AMH: variants seen among roughly 807,000 people sequenced by gnomAD.
AMH encodes anti-Muellerian hormone.
A neutral mutation model predicts 33.3 loss-of-function variants in AMH; 39 were observed. That is an observed-to-expected ratio of 1.17 (90% CI 0.91 to 1.53). The LOEUF is 1.53. Ranked by LOEUF, AMH falls within the 40% of genes most tolerant of loss-of-function variation. AMH has a pLI of 0.00. For missense variants in AMH, 1,019 were observed against 799.8 expected (o/e 1.27, Z -3.30); for synonymous variants, 536 against 403.0 (o/e 1.33, Z -3.95).
rs2145027726 is a variant in AMH, at chr19:2,250,460, C to T, written c.536C>T (p.Ala179Val). The T allele has an allele frequency of 6.4e-7, 1 of 1,550,482 alleles. No homozygotes were observed. The highest frequency in any genetic ancestry group is 8.7e-7 in the Non-Finnish European group (1 of 1,148,180). ...GPGPEVTVTR[A>V]GLPGAQSLCP... ...GGCCCTGAGGTCACTGTGACGAGGG[C>T]TGGGCTGCCGGGTGCCCAGGTACCA... Residue 179 changes from alanine (A) to valine (V), a missense_variant, in exon 2 of 5, where the codon GCT becomes GTT. Coordinates refer to ENST00000221496, the MANE Select transcript of AMH (RefSeq NM_000479.5).
chr19:2,249,978 T>A, intron 1 of AMH: 1 of 625,666 alleles, frequency 1.6e-6, no homozygotes, highest in Non-Finnish European at 2.7e-6. Flanking sequence ...AGAGAGCTGC[T>A]GCCTTCTCCC....
chr19:2,250,514 G>C (rs1403021942), intron 2 of AMH, 35 bp downstream of exon 2: 9 of 1,543,662 alleles, frequency 5.8e-6, no homozygotes, highest in Non-Finnish European at 7.0e-6. Flanking sequence ...TGCCCGGGCC[G>C]TGGCGGGGGG....
At position 2,251,432 on chromosome 19, in the gene AMH, G is replaced by A. The variant is rs758878408; in HGVS notation, c.1158G>A (p.Ala386=). The change falls in exon 5 of 5, where the codon GCG becomes GCA. Residue 386 remains alanine (A), a synonymous_variant. Transcript: ENST00000221496. ...GCGTGGCTGCTGAACTGCAAGCGGC[G>A]GCTGCCGAGCTGCGAAGCCTCCCGG... ...ARRVAAELQA[A]AAELRSLPGL... is the part of the protein sequence containing the mutation. 27 of 1,439,946 alleles carry A rather than the reference G, an allele frequency of 1.9e-5. No individual in the cohort carries two copies. In the South Asian group the frequency reaches 2.1e-4, roughly 11 times the overall value. 89.2% of individuals were successfully genotyped at this position (1,439,946 alleles called of 1,614,324 possible).
chr19:2,249,655 G>C lies in AMH; in HGVS notation c.323G>C (p.Arg108Thr). 6.6e-7 allele frequency: 1 copy of C among 1,515,074 alleles called. No individual in the cohort carries two copies. The highest frequency in any genetic ancestry group is 8.8e-7 in the Non-Finnish European group (1 of 1,135,220). The allele number at this position is 1,515,074 out of a possible 1,614,324, so 93.9% of individuals were successfully genotyped here. Reference sequence around the variant, plus strand: ...TTCGGGGTCTGCAACACCGGTGACAGGCAGGCTGCCTTGCCCTCTCTACGG... The same window carrying C: ...TTCGGGGTCTGCAACACCGGTGACACGCAGGCTGCCTTGCCCTCTCTACGG... Reference protein sequence around the residue: ...ATFGVCNTGDRQAALPSLRRL... With the variant: ...ATFGVCNTGDTQAALPSLRRL... Residue 108 changes from arginine (R) to threonine (T), a missense_variant, in exon 1 of 5, where the codon AGG (arginine) becomes ACG (threonine). Coordinates refer to ENST00000221496, the MANE Select transcript of AMH (RefSeq NM_000479.5).
Position 2,249,345 on chromosome 19 carries a change from CCT to C in AMH, c.17_18del (p.Leu6HisfsTer17), listed in dbSNP as rs2024986025. Reference sequence around the variant, plus strand: ...GGCAGCACCCACGATGCGGGACCTGCCTCTCACCAGCCTGGCCCTAGTGCTGT... The same window carrying C: ...GGCAGCACCCACGATGCGGGACCTGCCTCACCAGCCTGGCCCTAGTGCTGT... MRDL[P>X]LTSLALVLSA... is the part of the protein sequence containing the mutation. On this transcript the variant is annotated frameshift_variant, in exon 1 of 5. Transcript: ENST00000221496. LOFTEE classifies it high-confidence loss of function. 5 of 1,573,218 alleles carry C rather than the reference CCT, an allele frequency of 3.2e-6. No individual in the cohort carries two copies. Among genetic ancestry groups the C allele is most frequent in the African/African-American group, 1.4e-5 (1 of 73,978 alleles).
chr19:2,249,724 T>C lies in AMH; in HGVS notation c.392T>C (p.Val131Ala), dbSNP rs767374050. 6.6e-7 allele frequency: 1 copy of C among 1,507,680 alleles called. No homozygotes were observed. Among genetic ancestry groups the C allele is most frequent in the Non-Finnish European group, 8.8e-7 (1 of 1,133,908 alleles). The allele number at this position is 1,507,680 out of a possible 1,614,324, so 93.4% of individuals were successfully genotyped here. ...WLRDPGGQRL[V>A]VLHLEEVTWE... is the part of the protein sequence containing the mutation. The stretch of plus-strand genomic sequence containing the variant: ...CGGGACCCTGGGGGGCAGCGCCTGG[T>C]GGTCCTACACCTGGAGGAAGGTATG... The change falls in exon 1 of 5, where the codon GTG (valine) becomes GCG (alanine). Residue 131 changes from valine to alanine, a missense_variant. Coordinates refer to ENST00000221496, the MANE Select transcript of AMH (RefSeq NM_000479.5).
chr19:2,250,908 T>C lies in AMH; in HGVS notation c.724T>C (p.Phe242Leu). ...GCTGTTCGGCGACGACCACCGCTGC[T>C]TCACACGGATGACCCCGGCCCTGCT... is the stretch of plus-strand genomic sequence containing the variant. ...ALLFGDDHRC[F>L]TRMTPALLLL... Residue 242 changes from phenylalanine (F) to leucine (L), a missense_variant, in exon 4 of 5, where the codon TTC (phenylalanine) becomes CTC (leucine). Coordinates refer to ENST00000221496, the MANE Select transcript of AMH (RefSeq NM_000479.5). The C allele has an allele frequency of 6.4e-7, 1 of 1,570,542 alleles. No individual in the cohort carries two copies. Among genetic ancestry groups the C allele is most frequent in the South Asian group, 1.1e-5 (1 of 87,234 alleles).
Position 2,249,618 on chromosome 19 carries a change from G to A in AMH, c.286G>A (p.Asp96Asn), listed in dbSNP as rs2024992934. 1.3e-6 allele frequency: 2 copies of A among 1,541,586 alleles called. No individual in the cohort carries two copies. The highest frequency in any genetic ancestry group is 1.7e-6 in the Non-Finnish European group (2 of 1,145,762). ...GCAGAGGGCCCGCTGGGGCCCCCGA[G>A]ACCTGGCCACCTTCGGGGTCTGCAA... ...AVQRARWGPR[D>N]LATFGVCNTG... The change falls in exon 1 of 5, where the codon GAC (aspartate) becomes AAC (asparagine). Residue 96 changes from aspartate to asparagine, a missense_variant. By Grantham distance (23) the Asp-to-Asn change is conservative. Coordinates refer to ENST00000221496, the MANE Select transcript of AMH (RefSeq NM_000479.5).
Position 2,251,002 on chromosome 19 carries a change from C to T in AMH, c.818C>T (p.Pro273Leu), listed in dbSNP as rs1260735029. 3 of 1,513,122 alleles carry T rather than the reference C, an allele frequency of 2.0e-6. No individual in the cohort carries two copies. Among genetic ancestry groups the T allele is most frequent in the South Asian group, 2.4e-5 (2 of 81,688 alleles). The allele number at this position is 1,513,122 out of a possible 1,614,324, so 93.7% of individuals were successfully genotyped here. ...CAGCTGGACACCGTGCCCTTCCCGC[C>T]GCCCAGGTGCGCGCAGGCACCGGGA... ...HGQLDTVPFP[P>L]PRPSAELEES... is the part of the protein sequence containing the mutation. Residue 273 changes from proline to leucine, a missense_variant, in exon 4 of 5, where the codon CCG (proline) becomes CTG (leucine). Pro to Leu is a moderately conservative substitution (Grantham distance 98). Transcript: ENST00000221496.
Position 2,251,851 on chromosome 19 carries a change from G to A in AMH, c.1577G>A (p.Cys526Tyr), listed in dbSNP as rs1399947504. The change falls in exon 5 of 5, where the codon TGC becomes TAC. Residue 526 changes from cysteine to tyrosine, a missense_variant. Coordinates refer to ENST00000221496, the MANE Select transcript of AMH (RefSeq NM_000479.5). ...GCCGCCCTGGCGCGCCCACCCTGCT[G>A]CGTGCCCACCGCCTACGCGGGCAAG... ...RGAALARPPC[C>Y]VPTAYAGKLL... The A allele has an allele frequency of 6.3e-7, 1 of 1,594,780 alleles. No individual in the cohort carries two copies. The highest frequency in any genetic ancestry group is 8.5e-7 in the Non-Finnish European group (1 of 1,176,144).
At position 2,251,983 on chromosome 19, in the gene AMH, C is replaced by T. The variant is rs1341813907; in HGVS notation, c.*26C>T. On this transcript the variant is annotated 3_prime_UTR_variant, in exon 5 of 5. Coordinates refer to ENST00000221496, the MANE Select transcript of AMH (RefSeq NM_000479.5). Reference sequence around the variant, plus strand: ...CCCCTGCGCCGCGCGGACTCCTGCCCCGAGGGTCCGGACGCGCCCCAGCTC... The same window carrying T: ...CCCCTGCGCCGCGCGGACTCCTGCCTCGAGGGTCCGGACGCGCCCCAGCTC... The T allele has an allele frequency of 3.3e-6, 5 of 1,534,600 alleles. No homozygotes were observed. Among genetic ancestry groups the T allele is most frequent in the Non-Finnish European group, 4.4e-6 (5 of 1,147,120 alleles).
Position 2,249,530 on chromosome 19 carries a change from C to T in AMH, c.198C>T (p.Ser66=), listed in dbSNP as rs376657085. 2.7e-5 allele frequency: 43 copies of T among 1,600,368 alleles called. No homozygotes were observed. Among genetic ancestry groups the T allele is most frequent in the Admixed American group, 3.4e-5 (2 of 58,642 alleles). The change falls in exon 1 of 5, where the codon AGC becomes AGT. Residue 66 remains serine, a synonymous_variant. Transcript: ENST00000221496. The part of the protein sequence containing the change: ...LVALGGDSNG[S]SSPLRVVGAL... ...CACTGGGCGGGGACAGCAATGGCAG[C>T]AGCTCCCCCCTGCGGGTGGTGGGGG...
In AMH at chr19:2,251,940, G is replaced by T; in HGVS notation, c.1666G>T (p.Glu556Ter). 1 of 1,549,436 alleles carries T rather than the reference G, an allele frequency of 6.5e-7. No individual in the cohort carries two copies. Among genetic ancestry groups the T allele is most frequent in the East Asian group, 2.4e-5 (1 of 41,716 alleles). The change falls in exon 5 of 5, where the codon GAG becomes TAG. Residue 556 changes from glutamate to a stop codon, truncating the protein, a stop_gained. Transcript: ENST00000221496. LOFTEE classifies it high-confidence loss of function. The part of the protein sequence containing the change: ...AHHVPNMVAT[E>*]CGCR ...CCACGTGCCCAACATGGTGGCCACC[G>T]AGTGTGGCTGCCGGTGACCCCTGCG...
chr19:2,250,378 C>A lies in AMH; in HGVS notation c.454C>A (p.Pro152Thr). Residue 152 changes from proline to threonine, a missense_variant, in exon 2 of 5, where the codon CCG (proline) becomes ACG (threonine). Transcript: ENST00000221496. The stretch of plus-strand genomic sequence containing the variant: ...ACCCTCGCTGAGGTTCCAGGAGCCC[C>A]CGCCTGGAGGAGCTGGCCCCCCAGA... ...PTPSLRFQEP[P>T]PGGAGPPELA... 6.3e-7 allele frequency: 1 copy of A among 1,594,100 alleles called. No homozygotes were observed. The highest frequency in any genetic ancestry group is 8.5e-7 in the Non-Finnish European group (1 of 1,172,336).
At position 2,251,480 on chromosome 19, in the gene AMH, G is replaced by T; in HGVS notation, c.1206G>T (p.Pro402=). 1 of 1,384,120 alleles carries T rather than the reference G, an allele frequency of 7.2e-7. No individual in the cohort carries two copies. Among genetic ancestry groups the T allele is most frequent in the African/African-American group, 1.5e-5 (1 of 65,678 alleles). The allele number at this position is 1,384,120 out of a possible 1,614,324, so 85.7% of individuals were successfully genotyped here. The change falls in exon 5 of 5, where the codon CCG becomes CCT. Residue 402 remains proline, a synonymous_variant. Transcript: ENST00000221496. The part of the protein sequence containing the change: ...SLPGLPPATA[P]LLARLLALCP... ...CGGGTCTGCCTCCGGCCACAGCCCC[G>T]CTGCTGGCGCGCCTGCTCGCGCTCT... is the stretch of plus-strand genomic sequence containing the variant.
rs2024989588 is a variant in AMH, at chr19:2,249,516, G to A, written c.184G>A (p.Asp62Asn). Reference protein sequence around the residue: ...EPLCLVALGGDSNGSSSPLRV... With the variant: ...EPLCLVALGGNSNGSSSPLRV... ...TCTGTGCCTGGTGGCACTGGGCGGGGACAGCAATGGCAGCAGCTCCCCCCT... is the reference window on the plus strand; with the variant it reads ...TCTGTGCCTGGTGGCACTGGGCGGGAACAGCAATGGCAGCAGCTCCCCCCT... The change falls in exon 1 of 5, where the codon GAC becomes AAC. Residue 62 changes from aspartate (D) to asparagine (N), a missense_variant. Coordinates refer to ENST00000221496, the MANE Select transcript of AMH (RefSeq NM_000479.5). The A allele has an allele frequency of 2.5e-6, 4 of 1,604,782 alleles. No individual in the cohort carries two copies. Among genetic ancestry groups the A allele is most frequent in the Non-Finnish European group, 3.4e-6 (4 of 1,177,106 alleles).
In AMH at chr19:2,250,692, C is replaced by A; in HGVS notation, c.596C>A (p.Ala199Glu). 1 of 1,539,504 alleles carries A rather than the reference C, an allele frequency of 6.5e-7. No individual in the cohort carries two copies. The highest frequency in any genetic ancestry group is 2.4e-5 in the East Asian group (1 of 41,060). Residue 199 changes from alanine to glutamate, a missense_variant, in exon 3 of 5, where the codon GCG becomes GAG. By Grantham distance (107) the Ala-to-Glu change is moderately radical. Coordinates refer to ENST00000221496, the MANE Select transcript of AMH (RefSeq NM_000479.5). Reference sequence around the variant, plus strand: ...CGAGACACCCGCTACCTGGTGTTAGCGGTGGACCGCCCTGCGGGGGCCTGG... The same window carrying A: ...CGAGACACCCGCTACCTGGTGTTAGAGGTGGACCGCCCTGCGGGGGCCTGG... ...PSRDTRYLVL[A>E]VDRPAGAWRG...
rs2024996293 is a variant in AMH at position 2,249,716 on chromosome 19, G to C, written c.384G>C (p.Gln128His). 4.0e-6 allele frequency: 6 copies of C among 1,507,060 alleles called. No individual in the cohort carries two copies. In the East Asian group the frequency reaches 1.4e-4, roughly 34 times the overall value. The allele number at this position is 1,507,060 out of a possible 1,614,324, so 93.4% of individuals were successfully genotyped here. A position where few individuals can be genotyped will look rare whatever the true frequency, so the allele number is the denominator to read the frequency against. Reference protein sequence around the residue: ...LGAWLRDPGGQRLVVLHLEEV... With the variant: ...LGAWLRDPGGHRLVVLHLEEV... ...CCTGGCTGCGGGACCCTGGGGGGCA[G>C]CGCCTGGTGGTCCTACACCTGGAGG... The change falls in exon 1 of 5, where the codon CAG becomes CAC. Residue 128 changes from glutamine (Q) to histidine (H), a missense_variant. Coordinates refer to ENST00000221496, the MANE Select transcript of AMH (RefSeq NM_000479.5).
rs149082963 is a variant in AMH, at chr19:2,249,367, T to G, written c.35T>G (p.Val12Gly). Reference sequence around the variant, plus strand: ...CTGCCTCTCACCAGCCTGGCCCTAGTGCTGTCTGCCCTGGGGGCTCTGCTG... The same window carrying G: ...CTGCCTCTCACCAGCCTGGCCCTAGGGCTGTCTGCCCTGGGGGCTCTGCTG... Reference protein sequence around the residue: ...RDLPLTSLALVLSALGALLGT... With the variant: ...RDLPLTSLALGLSALGALLGT... The change falls in exon 1 of 5, where the codon GTG becomes GGG. Residue 12 changes from valine to glycine, a missense_variant. Physicochemically the swap from Val to Gly is moderately radical, Grantham distance 109. Coordinates refer to ENST00000221496, the MANE Select transcript of AMH (RefSeq NM_000479.5). 4,411 of 1,582,944 alleles carry G rather than the reference T, an allele frequency of 2.8e-3. 8 individuals carry two copies. The highest frequency in any genetic ancestry group is 3.5e-3 in the Non-Finnish European group (4,114 of 1,165,674).
Sources: allele counts gnomAD v4.1 joint callset, GRCh38; gene constraint gnomAD v4.1.1; transcripts MANE v1.5; gene names NCBI Gene and HGNC (gene_info 2026-07-23, HGNC 2026-07-21).